MALRD1: variants seen among roughly 807,000 people sequenced by gnomAD.
The protein encoded by MALRD1 is MAM and LDL-receptor class A domain-containing protein 1.
In MALRD1, 247 loss-of-function variants were observed where a neutral mutation model predicts 242.1. The ratio of observed to expected loss-of-function variants is 1.02; its 90% CI spans 0.92 to 1.13. The LOEUF (loss-of-function observed/expected upper bound fraction) is 1.13, where lower values mean the gene tolerates loss of function less well. Ranked by LOEUF, MALRD1 falls within the 50% of genes most tolerant of loss-of-function variation. The pLI is 0.00. For synonymous variants in MALRD1, 995 were observed against 866.6 expected (o/e 1.15, Z -2.60); for missense variants, 2,989 against 2,533.1 (o/e 1.18, Z -3.86).
At chr10:19,358,799 A>T (rs544256586) in intron 26 of MALRD1, among the ~76,000 whole-genome samples, 11 of 152,242 alleles carry the variant, frequency 7.2e-5, no homozygotes, top group African/African-American at 1.9e-4. Context: ...ATTAAACTGT[A>T]CACATGGTGA....
chr10:19,355,859 T>TATATATATATATATATATATATATAC (rs1348787430), intron 26 of MALRD1, among the ~76,000 whole-genome samples: 497 of 18,098 alleles, frequency 0.027, 14 homozygotes, highest in Non-Finnish European at 0.035. Flanking sequence ...ATATATATAT[T>TATATATATATATATATATATATATAC]ATATATGATA....
intron 2 of MALRD1, among the ~76,000 whole-genome samples, chr10:19,071,087 G>A (rs1835132929): frequency 6.6e-6 from 1 of 151,834 alleles, no homozygotes; most frequent in Non-Finnish European, 1.5e-5. Flanking sequence ...CTGGCCTCAG[G>A]TGATCTCCCC....
intron 28 of MALRD1, among the ~76,000 whole-genome samples, chr10:19,419,918 C>T (rs1428726578): frequency 6.6e-6 from 1 of 152,064 alleles, no homozygotes; most frequent in Non-Finnish European, 1.5e-5. Flanking sequence ...AAAAAGAAGA[C>T]ATAAAGTGTC....
At chr10:19,596,388 A>G (rs951453343) in intron 34 of MALRD1, among the ~76,000 whole-genome samples, 2 of 152,154 alleles carry the variant, frequency 1.3e-5, no homozygotes, top group Admixed American at 6.6e-5. Flanking sequence ...TAATGACTAT[A>G]CTTTTTGGTA....
At chr10:19,694,869 A>G (rs1833293436) in intron 38 of MALRD1, among the ~76,000 whole-genome samples, 1 of 152,238 alleles carries the variant, frequency 6.6e-6, no homozygotes, top group African/African-American at 2.4e-5. Flanking sequence ...TGGCACACAT[A>G]CACCATGGAA....
chr10:19,439,663 A>G (rs1834524108), intron 28 of MALRD1, among the ~76,000 whole-genome samples: 1 of 152,198 alleles, frequency 6.6e-6, no homozygotes, highest in Admixed American at 6.5e-5. Context: ...TTAGCTGAAA[A>G]TACAGTTTTA....
chr10:19,353,898 T>TTTG (rs1844508318), intron 26 of MALRD1, among the ~76,000 whole-genome samples: 1 of 152,096 alleles, frequency 6.6e-6, no homozygotes, highest in Non-Finnish European at 1.5e-5. Context: ...GTTTGTTTTT[T>TTTG]GTTTTTTGGT....
intron 21 of MALRD1, among the ~76,000 whole-genome samples, chr10:19,297,165 G>T (rs1262874644): frequency 6.6e-6 from 1 of 150,670 alleles, no homozygotes; most frequent in African/African-American, 2.4e-5. Flanking sequence ...GTGTTTTTGA[G>T]AATAAGATGA....
chr10:19,554,522 T>G (rs1203450362), intron 32 of MALRD1, among the ~76,000 whole-genome samples: 1 of 152,112 alleles, frequency 6.6e-6, no homozygotes, highest in Non-Finnish European at 1.5e-5. Flanking sequence ...GCATTAGCCA[T>G]TTTTTCTAAT....
chr10:19,408,024 G>T (rs748078429), intron 28 of MALRD1, among the ~76,000 whole-genome samples: 1 of 152,120 alleles, frequency 6.6e-6, no homozygotes, highest in Admixed American at 6.5e-5. Context: ...CTGAAACAAT[G>T]AGTATTGCCA....
intron 32 of MALRD1, among the ~76,000 whole-genome samples, chr10:19,536,600 A>C (rs941360777): frequency 1.3e-5 from 2 of 152,092 alleles, no homozygotes; most frequent in Admixed American, 6.5e-5. Flanking sequence ...ATGTTAGTTT[A>C]GCTACTCTAA....
chr10:19,196,480 C>T (rs1025034538), intron 14 of MALRD1, among the ~76,000 whole-genome samples: 1 of 151,934 alleles, frequency 6.6e-6, no homozygotes, highest in African/African-American at 2.4e-5. Flanking sequence ...GTATCACCCT[C>T]CTCCTTCAAA....
At chr10:19,079,339 C>T (rs531667601) in intron 2 of MALRD1, among the ~76,000 whole-genome samples, 1 of 151,898 alleles carries the variant, frequency 6.6e-6, no homozygotes, top group African/African-American at 2.4e-5. Context: ...ACCTGGAGAA[C>T]ATACTTGTAT....
chr10:19,144,399 G>T (rs527929555), intron 10 of MALRD1, among the ~76,000 whole-genome samples: 2 of 152,304 alleles, frequency 1.3e-5, no homozygotes, highest in African/African-American at 4.8e-5. Flanking sequence ...ACGGCTTTCA[G>T]ATCTAAAGGT....
intron 13 of MALRD1, among the ~76,000 whole-genome samples, chr10:19,170,249 C>T (rs1389785705): frequency 1.3e-5 from 2 of 151,992 alleles, no homozygotes; most frequent in Admixed American, 6.6e-5. Context: ...TTGGCCTGCT[C>T]ACTTGCTATG....
At chr10:19,672,722 C>T (rs1392472428) in intron 36 of MALRD1, among the ~76,000 whole-genome samples, 2 of 152,014 alleles carry the variant, frequency 1.3e-5, no homozygotes, top group Admixed American at 6.6e-5. Context: ...CTGGAGCCGA[C>T]CAATATATAT....
At chr10:19,479,928 A>G (rs1836914935) in intron 29 of MALRD1, among the ~76,000 whole-genome samples, 1 of 152,072 alleles carries the variant, frequency 6.6e-6, no homozygotes, top group African/African-American at 2.4e-5. Context: ...CATTACTTCT[A>G]CTCACATTCC....
At chr10:19,310,390 C>T (rs1267572255) in intron 21 of MALRD1, among the ~76,000 whole-genome samples, 4 of 151,382 alleles carry the variant, frequency 2.6e-5, no homozygotes, top group African/African-American at 7.3e-5. Flanking sequence ...AATTGTGATA[C>T]ATTCGTGGTG....
chr10:19,356,477 T>C (rs1399492942), intron 26 of MALRD1, among the ~76,000 whole-genome samples: 1 of 152,144 alleles, frequency 6.6e-6, no homozygotes, highest in African/African-American at 2.4e-5. Flanking sequence ...CGAAATTAAT[T>C]TTAATAATAT....
Sources: gnomAD v4.1 joint callset for allele counts (sites outside exome capture counted in the v4.1 genomes callset) on GRCh38, gnomAD v4.1.1 for gene constraint, MANE v1.5 for transcripts, NCBI Gene and HGNC (gene_info 2026-07-23, HGNC 2026-07-21) for gene names.